The following CNGB3 variants were observed in gnomAD, a reference collection of about 807,000 sequenced individuals.
The protein encoded by CNGB3 is cyclic nucleotide gated channel subunit beta 3, also known as cyclic nucleotide-gated channel beta-3.
Under a neutral mutation model 92.8 loss-of-function variants are expected in CNGB3, and 86 were observed. That is an observed-to-expected ratio of 0.93 (90% CI 0.78 to 1.11). The LOEUF (loss-of-function observed/expected upper bound fraction) is 1.11. CNGB3 is among the 50% of genes least tolerant of loss of function. The probability of loss-of-function intolerance (pLI) is 0.00; values close to 1 mark genes in which losing one functional copy is unlikely to be tolerated. For missense variants in CNGB3, 1,026 were observed against 956.8 expected (o/e 1.07, Z -0.95); for synonymous variants, 333 against 332.7 (o/e 1.00, Z -0.01).
chr8:86,594,674 G>T (rs1403203062), intron 15 of CNGB3: 1 of 184,052 alleles, frequency 5.4e-6, no homozygotes, highest in Non-Finnish European at 1.1e-5. Flanking sequence ...CCTCCCGCTT[G>T]CCCCTGGCTT....
intron 15 of CNGB3, among the ~76,000 whole-genome samples, chr8:86,585,510 A>G (rs144084619): frequency 6.6e-6 from 1 of 152,268 alleles, no homozygotes; most frequent in East Asian, 1.9e-4. Flanking sequence ...GAGCTACTGT[A>G]TCCAGAAAGA....
chr8:86,681,997 A>G (rs1024494978), intron 3 of CNGB3, among the ~76,000 whole-genome samples: 1 of 152,188 alleles, frequency 6.6e-6, no homozygotes, highest in African/African-American at 2.4e-5. Context: ...TACACTAGGA[A>G]TATCATGTAA....
intron 13 of CNGB3, among the ~76,000 whole-genome samples, chr8:86,618,300 G>T (rs1483514624): frequency 6.6e-6 from 1 of 152,138 alleles, no homozygotes; most frequent in African/African-American, 2.4e-5. Context: ...GCCCTGGGGT[G>T]GGGACCCCTG....
intron 6 of CNGB3, chr8:86,657,468 G>T: frequency 1.9e-6 from 1 of 516,806 alleles, no homozygotes; most frequent in Non-Finnish European, 4.0e-6. Flanking sequence ...GGGTGCTCCT[G>T]GGGGTTCTGC....
At chr8:86,589,514 G>A (rs1821977275) in intron 15 of CNGB3, among the ~76,000 whole-genome samples, 2 of 152,002 alleles carry the variant, frequency 1.3e-5, no homozygotes, top group South Asian at 2.1e-4. Flanking sequence ...CTTTGAATGA[G>A]TCCCAGAGAT....
At position 86,736,834 on chromosome 8, in the gene CNGB3, G is replaced by T. The variant is rs562090477; in HGVS notation, c.211+2821C>A. ...ATTTATGGAAGTTTTATATATGTGA[G>T]TTTGGATCAGATAGAGTTTTAGGAT... On this transcript the variant is annotated intron_variant, in intron 2 of 17. Coordinates refer to ENST00000320005, the MANE Select transcript of CNGB3 (RefSeq NM_019098.5). 2.0e-4 allele frequency among the ~76,000 whole-genome samples: 31 copies of T among 152,006 alleles called. No homozygotes were observed. In the South Asian group the frequency reaches 6.2e-3, roughly 30 times the overall value.
At chr8:86,612,579 G>A (rs1195268403) in intron 13 of CNGB3, among the ~76,000 whole-genome samples, 2 of 152,104 alleles carry the variant, frequency 1.3e-5, no homozygotes, top group Non-Finnish European at 2.9e-5. Flanking sequence ...CATTCCTTTA[G>A]CAATCACCAG....
At chr8:86,635,881 T>C (rs1209625825) in intron 10 of CNGB3, among the ~76,000 whole-genome samples, 3 of 136,832 alleles carry the variant, frequency 2.2e-5, no homozygotes, top group African/African-American at 5.4e-5. Context: ...CACATATACT[T>C]AGGCATACTT....
chr8:86,648,911 A>G (rs1563740160), intron 7 of CNGB3, among the ~76,000 whole-genome samples: 2 of 151,378 alleles, frequency 1.3e-5, no homozygotes, highest in Non-Finnish European at 3.0e-5. Flanking sequence ...ACACAAAGAC[A>G]TCTCCAAAAG....
chr8:86,600,871 C>G (rs1225286704), intron 15 of CNGB3, among the ~76,000 whole-genome samples: 1 of 143,582 alleles, frequency 7.0e-6, no homozygotes, highest in Non-Finnish European at 1.5e-5. Flanking sequence ...GCCTTGTGAT[C>G]TACCCGCCTC....
intron 15 of CNGB3, among the ~76,000 whole-genome samples, chr8:86,596,415 CAA>C (rs1381714333): frequency 6.7e-6 from 1 of 149,996 alleles, no homozygotes; most frequent in Non-Finnish European, 1.5e-5. Context: ...TAAAATAAAA[CAA>C]AGTAATTTTA....
At chr8:86,726,748 T>G in intron 2 of CNGB3, 91 bp from the exon 3 acceptor site, 2 of 1,435,196 alleles carry the variant, frequency 1.4e-6, no homozygotes, top group Non-Finnish European at 9.8e-7. Context: ...ATGCTGCTTG[T>G]TTTTTAGAAT....
intron 4 of CNGB3, 113 bp downstream of exon 4, chr8:86,670,831 C>G (rs902718785): frequency 4.4e-6 from 5 of 1,145,228 alleles, no homozygotes; most frequent in Middle Eastern, 2.8e-4. Flanking sequence ...ATAAACTGTA[C>G]GTAAATCATT....
rs566467518 is a variant in CNGB3 at position 86,650,739 on chromosome 8, T to G, written c.904-2852A>C. Among the ~76,000 whole-genome samples the G allele has an allele frequency of 4.8e-4, 72 of 151,560 alleles. 2 individuals are homozygous for G. The South Asian group carries it at 0.014, about 29-fold the overall frequency. ...GGAATGTAAATATGTAAAACTTCTA[T>G]GGAAAACAGTATGGACATTCCTTAA... is the stretch of plus-strand genomic sequence containing the variant. On this transcript the variant is annotated intron_variant, in intron 7 of 17. Coordinates refer to ENST00000320005, the MANE Select transcript of CNGB3 (RefSeq NM_019098.5).
intron 3 of CNGB3, among the ~76,000 whole-genome samples, chr8:86,697,616 G>T (rs1824473242): frequency 6.6e-6 from 1 of 152,126 alleles, no homozygotes; most frequent in Non-Finnish European, 1.5e-5. Flanking sequence ...AAACTCACTT[G>T]CTATCTAGGA....
At chr8:86,693,527 A>C (rs1447245213) in intron 3 of CNGB3, among the ~76,000 whole-genome samples, 1 of 149,562 alleles carries the variant, frequency 6.7e-6, no homozygotes, top group Non-Finnish European at 1.5e-5. Context: ...ACAATAGTGG[A>C]GGGAAGGTCA....
intron 13 of CNGB3, among the ~76,000 whole-genome samples, chr8:86,613,875 TA>T (rs1310908094): frequency 1.4e-5 from 2 of 148,124 alleles, no homozygotes; most frequent in Non-Finnish European, 3.0e-5. Context: ...TTCATATAAG[TA>T]CATATATAAT....
At chr8:86,717,287 C>A (rs140265104) in intron 3 of CNGB3, among the ~76,000 whole-genome samples, 1 of 151,878 alleles carries the variant, frequency 6.6e-6, no homozygotes, top group Non-Finnish European at 1.5e-5. Context: ...TTAGACTGGG[C>A]GTGGTGGCTC....
chr8:86,587,769 T>C (rs866975795), intron 15 of CNGB3, among the ~76,000 whole-genome samples: 18 of 149,626 alleles, frequency 1.2e-4, no homozygotes, highest in South Asian at 4.3e-4. Flanking sequence ...AGTCAGGTAG[T>C]GTGATGCCTC....
Sources: gnomAD v4.1 joint callset for allele counts (sites outside exome capture counted in the v4.1 genomes callset) on GRCh38, gnomAD v4.1.1 for gene constraint, MANE v1.5 for transcripts, NCBI Gene and HGNC (gene_info 2026-07-23, HGNC 2026-07-21) for gene names.